Variants in FAM13B observed in about 807,000 individuals in gnomAD.
FAM13B encodes family with sequence similarity 13 member B.
Under a neutral mutation model 117.3 loss-of-function variants are expected in FAM13B, and 60 were observed. That is an observed-to-expected ratio of 0.51 (90% CI 0.42 to 0.63). The LOEUF (loss-of-function observed/expected upper bound fraction) is 0.63. Ranked by LOEUF, FAM13B falls within the 30% of genes least tolerant of loss-of-function variation. FAM13B has a pLI of 0.00. For synonymous variants in FAM13B, 332 were observed against 356.1 expected, an observed-to-expected ratio of 0.93 and a Z score of 0.76; for missense variants, 972 against 1,091.9, an observed-to-expected ratio of 0.89 and a Z score of 1.55.
chr5:138,008,560 G>A (rs1055514436), intron 6 of FAM13B, among the ~76,000 whole-genome samples: 2 of 152,200 alleles, frequency 1.3e-5, no homozygotes, highest in Admixed American at 6.5e-5. Context: ...ACTTGTCCAA[G>A]TCTTAAGTAT....
At position 138,011,939 on chromosome 5, in the gene FAM13B, T is replaced by C. The variant is rs1784117338; in HGVS notation, c.377A>G (p.Asn126Ser). ...CTTTCTTCCAAATTCATCTTCATTA[T>C]TATAATCTATAAAACAATAATAACA... ...IHLMQLSQDY[N>S]NEDEFGRKLR... The change falls in exon 5 of 24, where the codon AAT (asparagine) becomes AGT (serine). Residue 126 changes from asparagine to serine, a missense_variant. Asn to Ser is a conservative substitution (Grantham distance 46). Coordinates refer to ENST00000689681, the MANE Select transcript of FAM13B (RefSeq NM_001385994.1). 6.3e-7 allele frequency: 1 copy of C among 1,576,814 alleles called. No individual in the cohort carries two copies. The highest frequency in any genetic ancestry group is 8.6e-7 in the Non-Finnish European group (1 of 1,164,936).
intron 10 of FAM13B, among the ~76,000 whole-genome samples, chr5:137,969,592 G>A (rs1463831244): frequency 2.0e-5 from 3 of 152,180 alleles, no homozygotes; most frequent in Non-Finnish European, 4.4e-5. Context: ...CACCAGCAAC[G>A]GAACAAAGCT....
chr5:137,956,723 C>A (rs1219508643), intron 13 of FAM13B, among the ~76,000 whole-genome samples, 181 bp from the exon 14 acceptor site: 1 of 149,230 alleles, frequency 6.7e-6, no homozygotes, highest in Admixed American at 6.8e-5. Flanking sequence ...CAAACACAAA[C>A]ATAACATTTC....
intron 9 of FAM13B, among the ~76,000 whole-genome samples, chr5:137,986,435 C>CCG (rs753349065): frequency 6.9e-6 from 1 of 145,860 alleles, no homozygotes; most frequent in Non-Finnish European, 1.5e-5. Context: ...TTCCCCCCCC[C>CCG]AAAAAAAATT....
Position 138,019,012 on chromosome 5 carries a change from G to C in FAM13B, c.100C>G (p.Pro34Ala). The change falls in exon 3 of 24, where the codon CCA becomes GCA. Residue 34 changes from proline (P) to alanine (A), a missense_variant. By Grantham distance (27) the Pro-to-Ala change is conservative. Transcript: ENST00000689681. ...ACTATGAATGGAACCTCATTGTCTGGATGTCCTCCCTGCTGCAGCTCATCA... is the reference window on the plus strand; with the variant it reads ...ACTATGAATGGAACCTCATTGTCTGCATGTCCTCCCTGCTGCAGCTCATCA... ...PLDELQQGGH[P>A]DNEVPFIVRH... is the part of the protein sequence containing the mutation. 1.9e-6 allele frequency: 3 copies of C among 1,614,106 alleles called. No homozygotes were observed. The highest frequency in any genetic ancestry group is 2.5e-6 in the Non-Finnish European group (3 of 1,180,012).
rs1761083458 is a variant in FAM13B at position 137,939,676 on chromosome 5, T to C, written c.*549A>G. Reference sequence around the variant, plus strand: ...CTGTGAGAAGATGTCACTTTGGGAATTAAACAGAAAGGTGTTCCATAGTAC... The same window carrying C: ...CTGTGAGAAGATGTCACTTTGGGAACTAAACAGAAAGGTGTTCCATAGTAC... On this transcript the variant is annotated 3_prime_UTR_variant, in exon 24 of 24. Coordinates refer to ENST00000689681, the MANE Select transcript of FAM13B (RefSeq NM_001385994.1). The C allele has an allele frequency of 5.2e-6, 1 of 192,188 alleles. No homozygotes were observed. Among genetic ancestry groups the C allele is most frequent in the African/African-American group, 2.4e-5 (1 of 42,116 alleles). The allele number at this position is 192,188 out of a possible 1,614,324, so 11.9% of individuals were successfully genotyped here.
chr5:137,956,443 G>A, intron 14 of FAM13B, 34 bp downstream of exon 14: 1 of 992,604 alleles, frequency 1.0e-6, no homozygotes, highest in Non-Finnish European at 1.4e-6. Context: ...ACCATAAAAG[G>A]CAAAAAAACT....
At chr5:137,943,863 T>C (rs1161704915) in intron 20 of FAM13B, among the ~76,000 whole-genome samples, 1 of 152,198 alleles carries the variant, frequency 6.6e-6, no homozygotes, top group South Asian at 2.1e-4. Context: ...TTTTTAAAAA[T>C]AACTTTATTA....
intron 2 of FAM13B, 108 bp from the exon 3 acceptor site, chr5:138,019,254 T>A (rs1786022336): frequency 2.1e-6 from 2 of 953,964 alleles, no homozygotes; most frequent in African/African-American, 1.7e-5. Context: ...CTCATCTATT[T>A]AAATGTTCCA....
intron 10 of FAM13B, among the ~76,000 whole-genome samples, chr5:137,972,746 A>T (rs1772624044): frequency 6.6e-6 from 1 of 152,030 alleles, no homozygotes; most frequent in South Asian, 2.1e-4. Flanking sequence ...TAAGCTGATA[A>T]GCAACTTCAG....
At chr5:137,985,638 T>C (rs1236729031) in intron 9 of FAM13B, among the ~76,000 whole-genome samples, 2 of 152,208 alleles carry the variant, frequency 1.3e-5, no homozygotes, top group Non-Finnish European at 2.9e-5. Context: ...ATAAATAGCT[T>C]TTAAAATAAT....
intron 14 of FAM13B, 129 bp from the exon 15 acceptor site, chr5:137,954,505 T>TACACACACAC (rs111423475): frequency 1.7e-5 from 7 of 416,830 alleles, no homozygotes; most frequent in African/African-American, 4.2e-5. Context: ...CATACACACA[T>TACACACACAC]ACACACACAC....
Position 137,940,223 on chromosome 5 carries a change from T to C in FAM13B, c.*2A>G. 1 of 1,613,988 alleles carries C rather than the reference T, an allele frequency of 6.2e-7. No individual in the cohort carries two copies. The highest frequency in any genetic ancestry group is 8.5e-7 in the Non-Finnish European group (1 of 1,179,952). On this transcript the variant is annotated 3_prime_UTR_variant, in exon 24 of 24. Transcript: ENST00000689681. ...ATGATATGAATTTTCAAGGAACGTA[T>C]CTTATATGGATTTTGAAGAATCTTG...
At position 137,964,864 on chromosome 5, in the gene FAM13B, A is replaced by G. The variant is rs1448004856; in HGVS notation, c.1180-2395T>C. ...CACAGAGAATCAAAAGAAATAGCTT[A>G]TAAGAAAAACCATCTATATTGGCCA... On this transcript the variant is annotated intron_variant, in intron 10 of 23. Coordinates refer to ENST00000689681, the MANE Select transcript of FAM13B (RefSeq NM_001385994.1). Among the ~76,000 whole-genome samples the G allele has an allele frequency of 2.0e-5, 3 of 152,062 alleles. No homozygotes were observed. The South Asian group carries it at 6.2e-4, about 32-fold the overall frequency.
At chr5:138,016,226 G>C (rs148216283) in intron 4 of FAM13B, among the ~76,000 whole-genome samples, 46 of 152,218 alleles carry the variant, frequency 3.0e-4, no homozygotes, top group African/African-American at 1.0e-3. Flanking sequence ...AGAAGGGGTA[G>C]GATTGGTTTA....
intron 17 of FAM13B, among the ~76,000 whole-genome samples, chr5:137,951,785 T>A (rs1477723649): frequency 6.6e-6 from 1 of 152,124 alleles, no homozygotes; most frequent in Non-Finnish European, 1.5e-5. Flanking sequence ...GAGACCAGCC[T>A]GGGCAACATG....
At chr5:137,996,284 G>A (rs975895211) in intron 7 of FAM13B, among the ~76,000 whole-genome samples, 4 of 151,408 alleles carry the variant, frequency 2.6e-5, no homozygotes, top group African/African-American at 9.7e-5. Context: ...TACAGGCGCC[G>A]GCCACCACGC....
chr5:138,020,352 C>G (rs1270746835), intron 2 of FAM13B, among the ~76,000 whole-genome samples: 1 of 152,308 alleles, frequency 6.6e-6, no homozygotes, highest in East Asian at 1.9e-4. Flanking sequence ...AGCCGTTGTG[C>G]CTGTCCTTAA....
upstream of FAM13B, among the ~76,000 whole-genome samples, chr5:138,034,710 G>A (rs2151111228): frequency 1.3e-5 from 2 of 152,344 alleles, no homozygotes; most frequent in Middle Eastern, 3.4e-3. Flanking sequence ...GCAGCCCAGT[G>A]AAGATGCAGT....
Sources: allele counts gnomAD v4.1 joint callset (sites outside exome capture counted in the v4.1 genomes callset), GRCh38; gene constraint gnomAD v4.1.1; transcripts MANE v1.5; gene names NCBI Gene and HGNC (gene_info 2026-07-23, HGNC 2026-07-21).